The following NREP variants were observed in gnomAD, a reference collection of about 807,000 sequenced individuals.
The protein encoded by NREP is neuronal regeneration related protein, also known as neuronal regeneration-related protein.
Under a neutral mutation model 8.6 loss-of-function variants are expected in NREP, and 5 were observed. That is an observed-to-expected ratio of 0.58 (90% CI 0.30 to 1.22). The LOEUF (loss-of-function observed/expected upper bound fraction) is 1.22. Among genes scored for constraint, NREP ranks in the 50% most tolerant of loss-of-function variants. The pLI is 0.07. For synonymous variants in NREP, 27 were observed against 28.0 expected (o/e 0.96, Z 0.11); for missense variants, 86 against 82.5 (o/e 1.04, Z -0.17).
intron 2 of NREP, among the ~76,000 whole-genome samples, chr5:111,832,673 C>G (rs1752801275): frequency 6.6e-6 from 1 of 152,192 alleles, no homozygotes; most frequent in Non-Finnish European, 1.5e-5. Context: ...GACCCCAATA[C>G]AGTTACTATT....
chr5:111,816,280 G>A (rs1264040971), intron 2 of NREP, among the ~76,000 whole-genome samples: 1 of 151,962 alleles, frequency 6.6e-6, no homozygotes, highest in Non-Finnish European at 1.5e-5. Context: ...TCTACCAACA[G>A]GAAAATGATC....
intron 2 of NREP, among the ~76,000 whole-genome samples, chr5:111,851,187 A>G (rs1753300943): frequency 6.6e-6 from 1 of 152,198 alleles, no homozygotes; most frequent in Non-Finnish European, 1.5e-5. Flanking sequence ...AGATATGTAT[A>G]TGACATATGT....
intron 2 of NREP, among the ~76,000 whole-genome samples, chr5:111,965,281 T>A (rs1756612514): frequency 6.6e-6 from 1 of 152,070 alleles, no homozygotes; most frequent in African/African-American, 2.4e-5. Context: ...CCTAAAGGAA[T>A]CACTGGAAAG....
At chr5:111,733,370 G>A (rs1181050297) in intron 3 of NREP, 2 of 152,142 alleles carry the variant, frequency 1.3e-5, no homozygotes, top group Non-Finnish European at 2.9e-5. Context: ...AGGGCCTGGA[G>A]CCCACCATGC....
chr5:111,741,824 T>TACACACAGACAC (rs138411321), intron 2 of NREP, among the ~76,000 whole-genome samples: 4,695 of 73,434 alleles, frequency 0.064, 131 homozygotes, highest in East Asian at 0.21. Flanking sequence ...AACACACACA[T>TACACACAGACAC]ACACACACAC....
chr5:111,969,150 GT>G (rs1333530962), intron 2 of NREP, among the ~76,000 whole-genome samples: 12 of 152,196 alleles, frequency 7.9e-5, no homozygotes, highest in African/African-American at 2.9e-4. Flanking sequence ...GCCTAAAAAT[GT>G]TTCTAATGGT....
chr5:111,858,221 AT>A (rs1753468006), intron 2 of NREP, among the ~76,000 whole-genome samples: 1 of 152,098 alleles, frequency 6.6e-6, no homozygotes, highest in South Asian at 2.1e-4. Context: ...CTCCCAGGTG[AT>A]TCTGATGCAC....
At chr5:111,937,934 C>G (rs1755728114) in intron 2 of NREP, among the ~76,000 whole-genome samples, 1 of 152,060 alleles carries the variant, frequency 6.6e-6, no homozygotes, top group African/African-American at 2.4e-5. Flanking sequence ...CTCTTGACTT[C>G]TTAGTCCTCT....
Position 111,735,442 on chromosome 5 carries a change from T to C in NREP, c.69A>G (p.Gly23=). 6.2e-7 allele frequency: 1 copy of C among 1,611,164 alleles called. No homozygotes were observed. Among genetic ancestry groups the C allele is most frequent in the East Asian group, 2.2e-5 (1 of 44,840 alleles). The part of the protein sequence containing the change: ...QEPFPNKDME[G]RLPKGRLPVP... ...CTAAGGATCTTACCTTAGGAAGCCT[T>C]CCCTCCATGTCCTTGTTTGGAAATG... Residue 23 remains glycine (G), a synonymous_variant, in exon 3 of 4, where the codon GGA becomes GGG. Coordinates refer to ENST00000257435, the MANE Select transcript of NREP (RefSeq NM_004772.4).
intron 2 of NREP, among the ~76,000 whole-genome samples, chr5:111,964,491 T>C (rs1433951071): frequency 6.6e-6 from 1 of 152,060 alleles, no homozygotes; most frequent in Non-Finnish European, 1.5e-5. Context: ...CTCAGCCACC[T>C]GAGAAGCTAG....
chr5:111,772,410 G>A lies in NREP; in HGVS notation c.136-36903C>T, dbSNP rs528483675. On this transcript the variant is annotated intron_variant, in intron 2 of 3. Coordinates refer to the NREP transcript ENST00000395634. ...ACTAAATTTATAGAAACAATTTTGAGATTTTCATCATTAATATACAAAACT... is the reference window on the plus strand; with the variant it reads ...ACTAAATTTATAGAAACAATTTTGAAATTTTCATCATTAATATACAAAACT... Among the ~76,000 whole-genome samples, 26 of 152,148 alleles carry A rather than the reference G, an allele frequency of 1.7e-4. 1 individual carries two copies. The South Asian group carries it at 3.3e-3, about 19-fold the overall frequency.
chr5:111,791,583 T>C (rs1185685798), intron 2 of NREP, among the ~76,000 whole-genome samples: 1 of 152,116 alleles, frequency 6.6e-6, no homozygotes, highest in African/African-American at 2.4e-5. Context: ...GGCCCAACGA[T>C]CTTCCCTTCT....
intron 2 of NREP, among the ~76,000 whole-genome samples, chr5:111,801,321 AG>A (rs1752000945): frequency 6.6e-6 from 1 of 152,080 alleles, no homozygotes; most frequent in African/African-American, 2.4e-5. Flanking sequence ...GTGCTGAGAG[AG>A]GGGGTGCAGA....
At chr5:111,878,238 A>G (rs1753958283) in intron 2 of NREP, among the ~76,000 whole-genome samples, 1 of 152,204 alleles carries the variant, frequency 6.6e-6, no homozygotes, top group African/African-American at 2.4e-5. Context: ...TCATTCTCTC[A>G]TTGCTATAAC....
chr5:111,973,265 T>TA (rs5870480), intron 2 of NREP, among the ~76,000 whole-genome samples: 2 of 151,638 alleles, frequency 1.3e-5, no homozygotes, highest in African/African-American at 2.4e-5. Context: ...TACCCCCTTT[T>TA]AAAAAAAAAA....
At chr5:111,858,657 T>C (rs564183734) in intron 2 of NREP, among the ~76,000 whole-genome samples, 1 of 152,168 alleles carries the variant, frequency 6.6e-6, no homozygotes, top group East Asian at 1.9e-4. Context: ...CTCAAAAGAA[T>C]TTGGGAGCTA....
At chr5:111,891,843 G>A (rs951322940) in intron 2 of NREP, among the ~76,000 whole-genome samples, 2 of 152,072 alleles carry the variant, frequency 1.3e-5, no homozygotes, top group African/African-American at 4.8e-5. Flanking sequence ...ACCATTCCTG[G>A]GAAATACACC....
intron 2 of NREP, among the ~76,000 whole-genome samples, chr5:111,961,771 A>G (rs1756486910): frequency 6.6e-6 from 1 of 152,246 alleles, no homozygotes; most frequent in Non-Finnish European, 1.5e-5. Flanking sequence ...AGCTCCAAAT[A>G]TAAATGCCTT....
chr5:111,825,957 A>ATTTT (rs370482212), intron 2 of NREP, among the ~76,000 whole-genome samples: 10 of 140,318 alleles, frequency 7.1e-5, no homozygotes, highest in African/African-American at 1.3e-4. Context: ...GCTCGTTTGG[A>ATTTT]TTTTTTTTTT....
Sources: gnomAD v4.1 joint callset for allele counts (sites outside exome capture counted in the v4.1 genomes callset) on GRCh38, gnomAD v4.1.1 for gene constraint, MANE v1.5 for transcripts, NCBI Gene and HGNC (gene_info 2026-07-23, HGNC 2026-07-21) for gene names.